Variants in PCDH15 observed in about 807,000 individuals in gnomAD.
PCDH15 encodes the protein protocadherin related 15, also known as protocadherin-15.
In PCDH15, 129 loss-of-function variants were observed where a neutral mutation model predicts 178.5. The observed-to-expected ratio is 0.72, with a 90% CI of 0.63 to 0.84. The LOEUF (loss-of-function observed/expected upper bound fraction) is 0.84. Among genes scored for constraint, PCDH15 ranks in the 40% least tolerant of loss-of-function variants. PCDH15 has a pLI of 0.00. For synonymous variants in PCDH15, 800 were observed against 732.0 expected, an observed-to-expected ratio of 1.09 and a Z score of -1.50; for missense variants, 2,230 against 2,099.9, an observed-to-expected ratio of 1.06 and a Z score of -1.21.
At chr10:55,391,014 A>G (rs1837780204) in intron 2 of PCDH15, among the ~76,000 whole-genome samples, 1 of 152,190 alleles carries the variant, frequency 6.6e-6, no homozygotes, top group African/African-American at 2.4e-5. Context: ...CAATAACAAG[A>G]AAGTCAGCCT....
intron 13 of PCDH15, among the ~76,000 whole-genome samples, chr10:54,157,037 C>T (rs1391264224): frequency 6.6e-6 from 1 of 152,126 alleles, no homozygotes; most frequent in Non-Finnish European, 1.5e-5. Flanking sequence ...GGACAGCCTC[C>T]CCCCCAACTT....
intron 8 of PCDH15, among the ~76,000 whole-genome samples, chr10:54,262,322 A>G (rs1019462531): frequency 1.3e-5 from 2 of 152,150 alleles, no homozygotes; most frequent in South Asian, 2.1e-4. Flanking sequence ...CACATGCCCA[A>G]GATAGGCCCC....
intron 1 of PCDH15, among the ~76,000 whole-genome samples, chr10:55,227,034 G>T (rs1374016816): frequency 6.6e-6 from 1 of 151,822 alleles, no homozygotes; most frequent in African/African-American, 2.4e-5. Context: ...AGAATAATTA[G>T]CTTCATTAGT....
chr10:55,325,252 C>G (rs1161982419), intron 2 of PCDH15, among the ~76,000 whole-genome samples: 1 of 151,958 alleles, frequency 6.6e-6, no homozygotes, highest in East Asian at 1.9e-4. Context: ...AAAAAAAGCT[C>G]AAATAGCTTG....
At chr10:55,092,493 TA>T (rs1842341735) in intron 2 of PCDH15, among the ~76,000 whole-genome samples, 1 of 151,902 alleles carries the variant, frequency 6.6e-6, no homozygotes, top group Non-Finnish European at 1.5e-5. Context: ...GTGCATGAAA[TA>T]TATGTCATAT....
chr10:55,123,902 G>T (rs1837835334), intron 2 of PCDH15, among the ~76,000 whole-genome samples: 1 of 152,066 alleles, frequency 6.6e-6, no homozygotes, highest in South Asian at 2.1e-4. Flanking sequence ...TTTCCCTTTG[G>T]CATCAACAGA....
At chr10:55,438,567 C>A in intron 2 of PCDH15, among the ~76,000 whole-genome samples, 1 of 151,000 alleles carries the variant, frequency 6.6e-6, no homozygotes, top group Admixed American at 6.6e-5. Flanking sequence ...ACAAATAAGC[C>A]AACAATAAAA....
intron 8 of PCDH15, among the ~76,000 whole-genome samples, chr10:54,276,654 G>A (rs956457753): frequency 8.0e-6 from 1 of 124,680 alleles, no homozygotes; most frequent in Non-Finnish European, 1.9e-5. Context: ...AATGTATACT[G>A]CAACATTTTA....
chr10:54,746,860 C>G (rs1445193976), intron 1 of PCDH15, among the ~76,000 whole-genome samples: 2 of 152,150 alleles, frequency 1.3e-5, no homozygotes, highest in East Asian at 3.9e-4. Context: ...TTCCAAGAAA[C>G]CTCTCCCATT....
At chr10:55,222,730 C>CACACACACACACAT in intron 1 of PCDH15, among the ~76,000 whole-genome samples, 8 of 121,264 alleles carry the variant, frequency 6.6e-5, no homozygotes, top group South Asian at 2.6e-4. Flanking sequence ...CACACACACA[C>CACACACACACACAT]ATATATATAT....
intron 11 of PCDH15, among the ~76,000 whole-genome samples, chr10:54,193,100 T>C (rs2049198329): frequency 6.6e-6 from 1 of 152,184 alleles, no homozygotes; most frequent in Non-Finnish European, 1.5e-5. Flanking sequence ...GTACTGTACA[T>C]CTCCAAGAGT....
intron 1 of PCDH15, among the ~76,000 whole-genome samples, chr10:55,210,630 T>C (rs1167154952): frequency 1.9e-4 from 23 of 123,556 alleles, no homozygotes; most frequent in African/African-American, 6.4e-4. Context: ...TTTTTTTTTT[T>C]TTTTTTTTTT....
intron 1 of PCDH15, among the ~76,000 whole-genome samples, chr10:54,799,250 A>G (rs1952383257): frequency 6.6e-6 from 1 of 152,154 alleles, no homozygotes; most frequent in Non-Finnish European, 1.5e-5. Context: ...ATGTCTGCCT[A>G]TCTGCTGTGA....
intron 2 of PCDH15, among the ~76,000 whole-genome samples, chr10:55,496,597 A>G (rs1344313340): frequency 1.3e-5 from 2 of 151,880 alleles, no homozygotes; most frequent in Non-Finnish European, 2.9e-5. Context: ...GGAGGGAAAT[A>G]CAAACCTTGT....
intron 2 of PCDH15, among the ~76,000 whole-genome samples, chr10:55,400,852 A>T (rs1838044810): frequency 2.0e-5 from 3 of 152,056 alleles, no homozygotes; most frequent in Non-Finnish European, 2.9e-5. Flanking sequence ...TGGGACCACA[A>T]CCATGTGCAC....
rs991079651 is a variant in PCDH15, at chr10:54,185,126, C to T, written c.1440+8G>A. On this transcript the variant is annotated splice_region_variant and intron_variant, in intron 12 of 37. Coordinates refer to ENST00000644397, the MANE Select transcript of PCDH15 (RefSeq NM_001384140.1). ...ATACATATGTATATTTACACAAAAG[C>T]TCTTTACCGAAAAGGTGTAAGTTTG... 4 of 1,612,948 alleles carry T rather than the reference C, an allele frequency of 2.5e-6. No individual in the cohort carries two copies. Among genetic ancestry groups the T allele is most frequent in the Non-Finnish European group, 3.4e-6 (4 of 1,179,210 alleles).
chr10:54,879,196 G>GTGTGTGTGTGCTTGTA (rs1954212810), intron 3 of PCDH15, among the ~76,000 whole-genome samples: 3 of 151,636 alleles, frequency 2.0e-5, no homozygotes, highest in Non-Finnish European at 4.4e-5. Flanking sequence ...GTGTGTGTGT[G>GTGTGTGTGTGCTTGTA]TGTGTGTGCT....
At chr10:55,472,460 A>G (rs1306370553) in intron 2 of PCDH15, among the ~76,000 whole-genome samples, 4 of 123,772 alleles carry the variant, frequency 3.2e-5, no homozygotes, top group Non-Finnish European at 6.4e-5. Context: ...ATAGTTTTGA[A>G]TTAGCTTTTT....
chr10:55,251,865 C>T (rs771345746), intron 1 of PCDH15, among the ~76,000 whole-genome samples: 21 of 152,050 alleles, frequency 1.4e-4, no homozygotes, highest in Admixed American at 3.3e-4. Context: ...GACAGATCCG[C>T]TAATTGAGAT....
Sources: allele counts gnomAD v4.1 joint callset (sites outside exome capture counted in the v4.1 genomes callset), GRCh38; gene constraint gnomAD v4.1.1; transcripts MANE v1.5; gene names NCBI Gene and HGNC (gene_info 2026-07-23, HGNC 2026-07-21).